The following FBXO4 variants were observed in gnomAD, a reference collection of about 807,000 sequenced individuals.
FBXO4 encodes the protein F-box only protein 4.
In FBXO4, 36 loss-of-function variants were observed where a neutral mutation model predicts 43.7. That is an observed-to-expected ratio of 0.82 (90% CI 0.63 to 1.09). The LOEUF is 1.09. FBXO4 is among the 50% of genes least tolerant of loss of function. The probability of loss-of-function intolerance (pLI) is 0.00; values close to 1 mark genes in which losing one functional copy is unlikely to be tolerated. For synonymous variants in FBXO4, 180 were observed against 165.6 expected (o/e 1.09, Z -0.67); for missense variants, 435 against 474.1 (o/e 0.92, Z 0.77).
At chr5:41,964,363 C>T in the FBXO4 span, among the ~76,000 whole-genome samples, 1 of 151,808 alleles carries the variant, frequency 6.6e-6, no homozygotes, top group African/African-American at 2.4e-5. Flanking sequence ...TTATTAACAA[C>T]TTAGAGTGAT....
the FBXO4 span, among the ~76,000 whole-genome samples, chr5:42,005,418 A>G: frequency 1.3e-5 from 2 of 152,204 alleles, no homozygotes; most frequent in African/African-American, 4.8e-5. Flanking sequence ...GTGAAAGACT[A>G]TAAAAACATT....
the FBXO4 span, chr5:41,967,562 G>A: frequency 1.9e-6 from 2 of 1,063,564 alleles, no homozygotes; most frequent in Non-Finnish European, 2.8e-6. Flanking sequence ...CAGTGACATT[G>A]CAATAGGCAT....
chr5:41,954,232 G>C, the FBXO4 span, among the ~76,000 whole-genome samples: 27 of 152,012 alleles, frequency 1.8e-4, no homozygotes, highest in South Asian at 4.6e-3. Context: ...AAAATTTAAG[G>C]AAATATTTAA....
chr5:41,969,041 A>C, the FBXO4 span, among the ~76,000 whole-genome samples: 1 of 152,132 alleles, frequency 6.6e-6, no homozygotes, highest in Non-Finnish European at 1.5e-5. Context: ...TTCTAAGTGC[A>C]AGCTCTTTTG....
the FBXO4 span, among the ~76,000 whole-genome samples, chr5:41,985,953 A>G: frequency 6.6e-6 from 1 of 152,144 alleles, no homozygotes; most frequent in Non-Finnish European, 1.5e-5. Flanking sequence ...AAAATAAGCC[A>G]TTTTATACTC....
chr5:41,941,123 T>C, intron 6 of FBXO4, 69 bp from the exon 7 acceptor site: 2 of 1,162,880 alleles, frequency 1.7e-6, no homozygotes, highest in Non-Finnish European at 2.5e-6. Context: ...TCTAGAAAAA[T>C]GTCCCTCCTA....
chr5:41,953,539 A>G, the FBXO4 span, among the ~76,000 whole-genome samples: 7 of 151,928 alleles, frequency 4.6e-5, no homozygotes, highest in African/African-American at 1.4e-4. Context: ...GTCAAATGGT[A>G]TTTCTAGTTC....
At chr5:41,925,568 C>T (rs1751459960) in intron 1 of FBXO4, 70 bp downstream of exon 1, 3 of 1,190,520 alleles carry the variant, frequency 2.5e-6, no homozygotes, top group Non-Finnish European at 3.2e-6. Flanking sequence ...CCCTGGAGCC[C>T]CCCGGGGCCT....
chr5:42,015,068 T>A, the FBXO4 span, among the ~76,000 whole-genome samples: 7 of 152,182 alleles, frequency 4.6e-5, no homozygotes, highest in Admixed American at 4.6e-4. Context: ...GTAGGTATGA[T>A]CTGCTCCAAG....
At chr5:41,988,558 A>C in the FBXO4 span, among the ~76,000 whole-genome samples, 1 of 152,160 alleles carries the variant, frequency 6.6e-6, no homozygotes. Flanking sequence ...GCTTGTCTGC[A>C]TTGAGACTCC....
downstream of FBXO4, among the ~76,000 whole-genome samples, chr5:41,943,203 A>C (rs1464046734): frequency 2.6e-5 from 4 of 152,152 alleles, 1 homozygote. Flanking sequence ...AAAGAGCTAC[A>C]GGCTATTTTG....
the FBXO4 span, among the ~76,000 whole-genome samples, chr5:42,029,588 T>G: frequency 6.6e-6 from 1 of 152,050 alleles, no homozygotes; most frequent in Non-Finnish European, 1.5e-5. Flanking sequence ...TTTGCCATCT[T>G]GAGGCTATTT....
chr5:41,972,635 G>C, the FBXO4 span, among the ~76,000 whole-genome samples: 15 of 152,052 alleles, frequency 9.9e-5, no homozygotes, highest in South Asian at 2.1e-4. Context: ...TAAGCAGAAA[G>C]AACAAAGCCA....
chr5:41,996,245 C>G, the FBXO4 span, among the ~76,000 whole-genome samples: 2 of 152,168 alleles, frequency 1.3e-5, no homozygotes, highest in Non-Finnish European at 2.9e-5. Flanking sequence ...GTGCACGACC[C>G]ACTTTATGGC....
At chr5:42,033,974 A>C in the FBXO4 span, among the ~76,000 whole-genome samples, 12 of 152,276 alleles carry the variant, frequency 7.9e-5, no homozygotes, top group African/African-American at 2.6e-4. Context: ...TACATTCATT[A>C]CCACCAATAG....
the FBXO4 span, chr5:41,952,038 A>C: frequency 3.9e-6 from 1 of 253,242 alleles, no homozygotes; most frequent in Non-Finnish European, 7.7e-6. Flanking sequence ...GGTCCTCTTC[A>C]GATTTATGAT....
chr5:41,945,467 T>A (rs1374791343), downstream of FBXO4, among the ~76,000 whole-genome samples: 1 of 152,194 alleles, frequency 6.6e-6, no homozygotes, highest in Non-Finnish European at 1.5e-5. Flanking sequence ...ATGCTCCTGA[T>A]TATTGTAAAT....
At chr5:41,935,782 G>C (rs1751833760) in intron 5 of FBXO4, among the ~76,000 whole-genome samples, 1 of 152,200 alleles carries the variant, frequency 6.6e-6, no homozygotes, top group Non-Finnish European at 1.5e-5. Flanking sequence ...AGGGATGGGG[G>C]AAGGGTGTGG....
chr5:41,966,186 A>G, the FBXO4 span, among the ~76,000 whole-genome samples: 4 of 152,166 alleles, frequency 2.6e-5, no homozygotes, highest in Admixed American at 2.0e-4. Flanking sequence ...TTGGAGATAT[A>G]CCTAATGTTA....
Sources: gnomAD v4.1 joint callset for allele counts (sites outside exome capture counted in the v4.1 genomes callset) on GRCh38, gnomAD v4.1.1 for gene constraint, MANE v1.5 for transcripts, NCBI Gene and HGNC (gene_info 2026-07-23, HGNC 2026-07-21) for gene names.